Variants in PCDHA7 observed in about 807,000 individuals in gnomAD.
The protein encoded by PCDHA7 is protocadherin alpha-7.
A neutral mutation model predicts 57.2 loss-of-function variants in PCDHA7; 37 were observed. That is an observed-to-expected ratio of 0.65 (90% CI 0.50 to 0.85). The LOEUF is 0.85. PCDHA7 is among the 40% of genes least tolerant of loss of function. The pLI, the probability that PCDHA7 is intolerant of heterozygous loss-of-function variation, is 0.00. For missense variants in PCDHA7, 1,188 were observed against 1,241.8 expected (o/e 0.96, Z 0.65); for synonymous variants, 553 against 558.8 (o/e 0.99, Z 0.15).
At chr5:140,883,041 G>A (rs2059417348) in intron 1 of PCDHA7, 1 of 1,613,960 alleles carries the variant, frequency 6.2e-7, no homozygotes, top group African/African-American at 1.3e-5. Context: ...GCCTTCAATG[G>A]AACATTAGTG....
intron 1 of PCDHA7, chr5:140,968,553 G>A (rs782583876): frequency 4.3e-6 from 7 of 1,614,132 alleles, no homozygotes; most frequent in South Asian, 2.2e-5. Context: ...ATGGTGCCTC[G>A]AACTGCCCCT....
chr5:140,844,317 T>G (rs1026706831), intron 1 of PCDHA7, among the ~76,000 whole-genome samples: 3 of 149,600 alleles, frequency 2.0e-5, no homozygotes, highest in African/African-American at 7.3e-5. Context: ...TTCTTCCTAA[T>G]TTTATTATAA....
intron 3 of PCDHA7, among the ~76,000 whole-genome samples, chr5:140,994,613 G>A (rs1452021453): frequency 2.0e-5 from 3 of 152,082 alleles, no homozygotes; most frequent in Admixed American, 6.5e-5. Flanking sequence ...GCTGAGGCAC[G>A]AGAGTCACTT....
chr5:140,855,917 G>A, intron 1 of PCDHA7: 1 of 1,202,824 alleles, frequency 8.3e-7, no homozygotes, highest in South Asian at 1.6e-5. Flanking sequence ...TCAAGGACTA[G>A]GAAGTAGCGT....
At chr5:140,883,038 A>G (rs782789489) in intron 1 of PCDHA7, 3 of 1,614,160 alleles carry the variant, frequency 1.9e-6, no homozygotes, top group East Asian at 2.2e-5. Context: ...AACGCCTTCA[A>G]TGGAACATTA....
chr5:140,899,019 G>A (rs2067099712), intron 1 of PCDHA7, among the ~76,000 whole-genome samples: 1 of 151,834 alleles, frequency 6.6e-6, no homozygotes, highest in African/African-American at 2.4e-5. Flanking sequence ...AAGAATGCTT[G>A]TGATTTTTGT....
At chr5:140,850,107 C>T (rs2150467518) in intron 1 of PCDHA7, 8 of 1,596,052 alleles carry the variant, frequency 5.0e-6, no homozygotes, top group South Asian at 1.1e-5. Context: ...GGTGAGCGCG[C>T]GCGACGCGGG....
chr5:140,981,502 A>G (rs2096935392), intron 2 of PCDHA7, among the ~76,000 whole-genome samples: 2 of 152,218 alleles, frequency 1.3e-5, no homozygotes, highest in Non-Finnish European at 2.9e-5. Flanking sequence ...TGAACCTGGG[A>G]GGCAGAGGTT....
rs1554202548 is a variant in PCDHA7 at position 140,925,108 on chromosome 5, G to GGAAGGAAGGAAGGAAGGAAGGAAGGAA, written c.2356-53840_2356-53839insAAGGAAGGAAGGAAGGAAGGAAGGAAG. On this transcript the variant is annotated intron_variant, in intron 1 of 3. Transcript: ENST00000525929. ...AAGGAAGGAAGGAAGGAAGGAAGGA[G>GGAAGGAAGGAAGGAAGGAAGGAAGGAA]GGAAGGAAGGAAGGAAAAAAAATTT... Among the ~76,000 whole-genome samples, 52 of 124,778 alleles carry GGAAGGAAGGAAGGAAGGAAGGAAGGAA rather than the reference G, an allele frequency of 4.2e-4. No individual in the cohort carries two copies. The Middle Eastern group carries it at 0.013, about 31-fold the overall frequency. The allele number at this position is 124,778 out of a possible 152,430, so 81.9% of individuals were successfully genotyped here. A position where few individuals can be genotyped will look rare whatever the true frequency, so the allele number is the denominator to read the frequency against.
intron 1 of PCDHA7, among the ~76,000 whole-genome samples, chr5:140,855,548 C>T (rs1345944772): frequency 1.3e-5 from 2 of 149,752 alleles, no homozygotes; most frequent in Non-Finnish European, 3.0e-5. Flanking sequence ...AGTGTCAGAA[C>T]TTAAATGGAA....
chr5:140,879,475 A>G (rs567061434), intron 1 of PCDHA7, among the ~76,000 whole-genome samples: 1 of 152,326 alleles, frequency 6.6e-6, no homozygotes, highest in Non-Finnish European at 1.5e-5. Flanking sequence ...TACCGTTGTG[A>G]TTGGAAATAT....
chr5:140,854,012 A>G (rs1356134246), intron 1 of PCDHA7: 2 of 368,086 alleles, frequency 5.4e-6, no homozygotes, highest in African/African-American at 4.5e-5. Flanking sequence ...AAAAAAAAAA[A>G]TTAGCCGGGC....
At chr5:140,864,373 TAA>T (rs1207632407) in intron 1 of PCDHA7, 1 of 152,248 alleles carries the variant, frequency 6.6e-6, no homozygotes, top group Non-Finnish European at 1.5e-5. Context: ...CTATAATCGA[TAA>T]GTTTATCTCT....
At chr5:140,921,856 GTA>G (rs1295273364) in intron 1 of PCDHA7, among the ~76,000 whole-genome samples, 4 of 151,824 alleles carry the variant, frequency 2.6e-5, no homozygotes, top group Non-Finnish European at 5.9e-5. Flanking sequence ...AGATGTGTGT[GTA>G]TATATACAGT....
intron 1 of PCDHA7, among the ~76,000 whole-genome samples, chr5:140,913,757 T>C (rs577091404): frequency 6.6e-6 from 1 of 152,282 alleles, no homozygotes; most frequent in South Asian, 2.1e-4. Context: ...TTGTATCTCA[T>C]AGGTTTTGGC....
intron 1 of PCDHA7, among the ~76,000 whole-genome samples, chr5:140,885,084 A>C (rs1313908585): frequency 6.6e-6 from 1 of 152,198 alleles, no homozygotes; most frequent in South Asian, 2.1e-4. Context: ...AAAGAGCCCC[A>C]TAACTTTTCA....
chr5:140,875,642 C>T (rs2153326944), intron 1 of PCDHA7: 3 of 1,613,606 alleles, frequency 1.9e-6, no homozygotes, highest in East Asian at 4.5e-5. Context: ...CTGGAGCTGG[C>T]GGAGCTGGTG....
rs114351206 is a variant in PCDHA7 at position 140,991,799 on chromosome 5, G to A, written c.2503+9236G>A. Among the ~76,000 whole-genome samples the A allele has an allele frequency of 3.8e-3, 580 of 152,160 alleles. 3 individuals are homozygous for A. The highest frequency in any genetic ancestry group is 0.013 in the African/African-American group (548 of 41,490). On this transcript the variant is annotated intron_variant, in intron 3 of 3. Coordinates refer to ENST00000525929, the MANE Select transcript of PCDHA7 (RefSeq NM_018910.3). ...ACTCTGCCCATTTCCCAATCTCAAG[G>A]CCACTTCCGCATTTTTAGGCATTTA... is the stretch of plus-strand genomic sequence containing the variant.
At position 141,010,302 on chromosome 5, in the gene PCDHA7, A is replaced by C; in HGVS notation, c.*365A>C. On this transcript the variant is annotated 3_prime_UTR_variant, in exon 4 of 4. Coordinates refer to ENST00000525929, the MANE Select transcript of PCDHA7 (RefSeq NM_018910.3). ...TGATGACACTTGCAGGGCAGGCTGA[A>C]AAGTTTTGAGATTGAGCAGCTTGGG... The C allele has an allele frequency of 6.5e-7, 1 of 1,549,074 alleles. No individual in the cohort carries two copies. The highest frequency in any genetic ancestry group is 8.7e-7 in the Non-Finnish European group (1 of 1,146,244).
Sources: allele counts gnomAD v4.1 joint callset (sites outside exome capture counted in the v4.1 genomes callset), GRCh38; gene constraint gnomAD v4.1.1; transcripts MANE v1.5; gene names NCBI Gene and HGNC (gene_info 2026-07-23, HGNC 2026-07-21).